PCDH9: variants seen among roughly 807,000 people sequenced by gnomAD.
PCDH9 encodes protocadherin 9, also known as protocadherin-9.
Under a neutral mutation model 70.6 loss-of-function variants are expected in PCDH9, and 24 were observed. That is an observed-to-expected ratio of 0.34 (90% CI 0.25 to 0.48). PCDH9 has a LOEUF of 0.48. Among genes scored for constraint, PCDH9 ranks in the 20% least tolerant of loss-of-function variants. PCDH9 has a pLI of 0.99. For synonymous variants in PCDH9, 562 were observed against 558.5 expected (o/e 1.01, Z -0.09); for missense variants, 1,281 against 1,503.6 (o/e 0.85, Z 2.45).
At chr13:66,565,455 T>C (rs910549282) in intron 4 of PCDH9, among the ~76,000 whole-genome samples, 1 of 152,208 alleles carries the variant, frequency 6.6e-6, no homozygotes, top group African/African-American at 2.4e-5. Flanking sequence ...TGGAATGAAC[T>C]TCCTCAGTAG....
At chr13:66,549,026 G>A (rs75214690) in intron 4 of PCDH9, among the ~76,000 whole-genome samples, 1,906 of 152,176 alleles carry the variant, frequency 0.013, 36 homozygotes, top group African/African-American at 0.044. Flanking sequence ...ATAAGTGAGA[G>A]AAGACTTAAA....
At chr13:66,661,499 T>C (rs1011003527) in intron 3 of PCDH9, among the ~76,000 whole-genome samples, 1 of 152,218 alleles carries the variant, frequency 6.6e-6, no homozygotes, top group African/African-American at 2.4e-5. Flanking sequence ...TAATTAAAAT[T>C]GCTTTACCAC....
intron 4 of PCDH9, among the ~76,000 whole-genome samples, chr13:66,547,516 C>G (rs947758969): frequency 6.6e-6 from 1 of 152,136 alleles, no homozygotes; most frequent in Non-Finnish European, 1.5e-5. Context: ...TTACGTTCTG[C>G]ACTACTTCCA....
intron 4 of PCDH9, among the ~76,000 whole-genome samples, chr13:66,625,980 A>T (rs1175943125): frequency 1.3e-5 from 2 of 152,144 alleles, no homozygotes; most frequent in African/African-American, 4.8e-5. Context: ...TTGGCTTTAT[A>T]ATTCATTGAT....
intron 2 of PCDH9, among the ~76,000 whole-genome samples, chr13:66,999,620 T>A (rs897638530): frequency 1.3e-5 from 2 of 151,008 alleles, no homozygotes; most frequent in African/African-American, 4.9e-5. Context: ...TACAATGAAC[T>A]CAAACAAATT....
chr13:66,822,773 G>A lies in PCDH9; in HGVS notation c.3138+80731C>T, dbSNP rs1424980796. Among the ~76,000 whole-genome samples, 3 of 152,038 alleles carry A rather than the reference G, an allele frequency of 2.0e-5. No homozygotes were observed. In the East Asian group the frequency reaches 5.8e-4, roughly 29 times the overall value. On this transcript the variant is annotated intron_variant, in intron 3 of 4. Coordinates refer to ENST00000377865, the MANE Select transcript of PCDH9 (RefSeq NM_203487.3). Reference sequence around the variant, plus strand: ...GATCCGCCTGCCTCCACCTCCCAGTGCTGGGATTACAGGTGTGAGCCACTG... The same window carrying A: ...GATCCGCCTGCCTCCACCTCCCAGTACTGGGATTACAGGTGTGAGCCACTG...
rs563157613 is a variant in PCDH9 at position 66,398,055 on chromosome 13, A to C, written c.3341-93027T>G. 1.2e-3 allele frequency among the ~76,000 whole-genome samples: 184 copies of C among 152,246 alleles called. 1 individual carries two copies. Among genetic ancestry groups the C allele is most frequent in the African/African-American group, 4.4e-3 (181 of 41,572 alleles). On this transcript the variant is annotated intron_variant, in intron 4 of 4. Transcript: ENST00000377865. ...CTTATACCATAGAACATCATTTTAC[A>C]TCATAGAACAATAAAATTCCAAAGG... is the stretch of plus-strand genomic sequence containing the variant.
At chr13:67,029,613 T>C (rs7995254) in intron 2 of PCDH9, among the ~76,000 whole-genome samples, 16,346 of 152,216 alleles carry the variant, frequency 0.11, 960 homozygotes, top group Middle Eastern at 0.16. Flanking sequence ...TTGACTAAGA[T>C]GTTTTGCCTT....
intron 4 of PCDH9, among the ~76,000 whole-genome samples, chr13:66,540,180 T>C (rs1960890566): frequency 6.6e-6 from 1 of 152,098 alleles, no homozygotes; most frequent in African/African-American, 2.4e-5. Context: ...TGGCAAAGTT[T>C]AGAATATTAA....
At chr13:66,890,471 G>A (rs1422868708) in intron 3 of PCDH9, among the ~76,000 whole-genome samples, 1 of 54,398 alleles carries the variant, frequency 1.8e-5, no homozygotes, top group African/African-American at 6.5e-5. Context: ...TTTTTTTTTT[G>A]GTTAAGGCAT....
At chr13:66,312,552 A>G (rs1010336895) in intron 4 of PCDH9, among the ~76,000 whole-genome samples, 1 of 151,804 alleles carries the variant, frequency 6.6e-6, no homozygotes, top group South Asian at 2.1e-4. Flanking sequence ...TTGAGGCTGC[A>G]GTGAGCAGTG....
At chr13:66,981,489 A>G (rs1042464771) in intron 2 of PCDH9, among the ~76,000 whole-genome samples, 1 of 151,834 alleles carries the variant, frequency 6.6e-6, no homozygotes, top group African/African-American at 2.4e-5. Context: ...TTATACTAAA[A>G]AAAGTACTTG....
At chr13:67,147,843 T>C (rs1183866910) in intron 2 of PCDH9, among the ~76,000 whole-genome samples, 1 of 152,178 alleles carries the variant, frequency 6.6e-6, no homozygotes, top group Non-Finnish European at 1.5e-5. Context: ...CTCTTTTTGT[T>C]TTTGGTATGT....
chr13:66,912,290 C>T (rs1566287614), intron 2 of PCDH9, among the ~76,000 whole-genome samples: 1 of 152,124 alleles, frequency 6.6e-6, no homozygotes, highest in Non-Finnish European at 1.5e-5. Flanking sequence ...ATACACAAGT[C>T]AAGCCCTTTT....
chr13:66,887,714 C>A (rs1266244189), intron 3 of PCDH9, among the ~76,000 whole-genome samples: 1 of 152,076 alleles, frequency 6.6e-6, no homozygotes, highest in South Asian at 2.1e-4. Flanking sequence ...TGAGATCTTC[C>A]ATTCATATCT....
At chr13:66,556,269 A>G (rs1961735711) in intron 4 of PCDH9, among the ~76,000 whole-genome samples, 1 of 152,036 alleles carries the variant, frequency 6.6e-6, no homozygotes, top group Non-Finnish European at 1.5e-5. Context: ...ATATACATTT[A>G]GCTTATTTTA....
chr13:67,134,429 T>C (rs2087181707), intron 2 of PCDH9, among the ~76,000 whole-genome samples: 1 of 152,072 alleles, frequency 6.6e-6, no homozygotes, highest in Admixed American at 6.6e-5. Flanking sequence ...TTCCTATACA[T>C]GATCACCCCA....
intron 4 of PCDH9, among the ~76,000 whole-genome samples, chr13:66,616,293 T>C (rs1264761337): frequency 1.3e-5 from 2 of 152,104 alleles, no homozygotes; most frequent in East Asian, 3.9e-4. Flanking sequence ...TCAAAGCCAA[T>C]CCAAAAGGCC....
At chr13:66,452,624 G>T (rs1958236571) in intron 4 of PCDH9, among the ~76,000 whole-genome samples, 1 of 151,940 alleles carries the variant, frequency 6.6e-6, no homozygotes, top group Non-Finnish European at 1.5e-5. Flanking sequence ...TTCTCAATCT[G>T]CTCAGATTAC....
Sources: gnomAD v4.1 joint callset for allele counts (sites outside exome capture counted in the v4.1 genomes callset) on GRCh38, gnomAD v4.1.1 for gene constraint, MANE v1.5 for transcripts, NCBI Gene and HGNC (gene_info 2026-07-23, HGNC 2026-07-21) for gene names.